The following ABCB5 variants were observed in gnomAD, a reference collection of about 807,000 sequenced individuals.
ABCB5 encodes the protein ATP binding cassette subfamily B member 5.
Under a neutral mutation model 144.2 loss-of-function variants are expected in ABCB5, and 155 were observed. The observed-to-expected ratio is 1.08, with a 90% confidence interval of 0.94 to 1.23. ABCB5 has a LOEUF of 1.23. Among genes scored for constraint, ABCB5 ranks in the 50% most tolerant of loss-of-function variants. The pLI is 0.00. For synonymous variants in ABCB5, 610 were observed against 528.6 expected, an observed-to-expected ratio of 1.15 and a Z score of -2.11; for missense variants, 1,830 against 1,520.8, an observed-to-expected ratio of 1.20 and a Z score of -3.38.
rs888880736 is a variant in ABCB5 at position 20,618,851 on chromosome 7, T to C, written c.-22+3014T>C. Among the ~76,000 whole-genome samples, 5 of 127,102 alleles carry C rather than the reference T, an allele frequency of 3.9e-5. No individual in the cohort carries two copies. The East Asian group carries it at 1.1e-3, about 29-fold the overall frequency. The allele number at this position is 127,102 out of a possible 152,430, so 83.4% of individuals were successfully genotyped here. A position where few individuals can be genotyped will look rare whatever the true frequency, so the allele number is the denominator to read the frequency against. On this transcript the variant is annotated intron_variant, in intron 1 of 27. Transcript: ENST00000404938. ...GTGCAGTGGCACGATCTCAGCTCAC[T>C]GCAACCTCCACCTCCCGGGTTCAAG...
Position 20,658,652 on chromosome 7 carries a change from A to G in ABCB5, c.1683A>G (p.Ser561=), listed in dbSNP as rs1250176940. ...ATSALDSESK[S]AVQAALEKAS... ...CTGCCCTGGATTCAGAAAGCAAGTC[A>G]GCTGTTCAAGCTGCACTGGAGAAGG... Residue 561 remains serine (S), a synonymous_variant, in exon 14 of 28, where the codon TCA becomes TCG. Transcript: ENST00000404938. The G allele has an allele frequency of 6.2e-7, 1 of 1,614,162 alleles. No individual in the cohort carries two copies. The highest frequency in any genetic ancestry group is 1.7e-5 in the Admixed American group (1 of 60,012).
intron 5 of ABCB5, chr7:20,641,408 C>G (rs115959918): frequency 6.6e-6 from 1 of 152,154 alleles, no homozygotes; most frequent in Non-Finnish European, 1.5e-5. Context: ...CACCTGTAGT[C>G]CCAGCGTTAT....
intron 5 of ABCB5, among the ~76,000 whole-genome samples, chr7:20,640,530 G>C (rs1784273693): frequency 6.6e-6 from 1 of 152,128 alleles, no homozygotes; most frequent in Non-Finnish European, 1.5e-5. Flanking sequence ...TCAGTGTGAT[G>C]CTTGGGAATC....
At chr7:20,748,869 C>T (rs1163304465) in intron 26 of ABCB5, among the ~76,000 whole-genome samples, 8 of 152,028 alleles carry the variant, frequency 5.3e-5, no homozygotes, top group African/African-American at 1.9e-4. Flanking sequence ...TCACATAAGA[C>T]ACATTAATGT....
intron 1 of ABCB5, 142 bp from the exon 2 acceptor site, chr7:20,623,123 G>T: frequency 1.7e-6 from 1 of 575,666 alleles, no homozygotes; most frequent in Non-Finnish European, 3.1e-6. Flanking sequence ...AACTTCAATT[G>T]GAGTGGGGGG....
intron 20 of ABCB5, 114 bp from the exon 21 acceptor site, chr7:20,722,902 A>T: frequency 1.3e-6 from 1 of 756,286 alleles, no homozygotes; most frequent in Non-Finnish European, 2.2e-6. Context: ...GCATAAATTT[A>T]AGTATAAATT....
chr7:20,631,625 A>G (rs79682588), intron 4 of ABCB5, among the ~76,000 whole-genome samples: 16,410 of 152,028 alleles, frequency 0.11, 1,141 homozygotes, highest in Non-Finnish European at 0.15. Flanking sequence ...TGAGCTTTCC[A>G]TTTTTCCCAT....
chr7:20,731,040 C>T (rs1374857394), intron 23 of ABCB5, among the ~76,000 whole-genome samples: 1 of 149,518 alleles, frequency 6.7e-6, no homozygotes, highest in African/African-American at 2.5e-5. Flanking sequence ...TCTTTCTTTG[C>T]TTTGTAATCA....
intron 14 of ABCB5, among the ~76,000 whole-genome samples, chr7:20,674,512 T>C (rs987328699): frequency 6.6e-6 from 1 of 151,840 alleles, no homozygotes; most frequent in African/African-American, 2.4e-5. Context: ...ATGTAATGAT[T>C]GAAGTTAAGT....
intron 14 of ABCB5, among the ~76,000 whole-genome samples, chr7:20,672,893 T>C (rs1785494298): frequency 1.3e-5 from 2 of 152,178 alleles, no homozygotes; most frequent in East Asian, 3.8e-4. Context: ...TTGATGTATT[T>C]GTCTGTCTTT....
Position 20,745,406 on chromosome 7 carries a change from A to T in ABCB5, c.3397A>T (p.Asn1133Tyr). ...DEIKEAANAA[N>Y]IHSFIEGLPE... ...GATCAAAGAAGCCGCAAATGCAGCA[A>T]ATATCCATTCTTTTATTGAAGGTCT... The change falls in exon 26 of 28, where the codon AAT becomes TAT. Residue 1133 changes from asparagine (N) to tyrosine (Y), a missense_variant. Transcript: ENST00000404938. 6.2e-7 allele frequency: 1 copy of T among 1,614,216 alleles called. No homozygotes were observed. Among genetic ancestry groups the T allele is most frequent in the Non-Finnish European group, 8.5e-7 (1 of 1,180,038 alleles).
intron 25 of ABCB5, among the ~76,000 whole-genome samples, chr7:20,744,046 G>A (rs568535493): frequency 1.3e-5 from 2 of 151,964 alleles, no homozygotes; most frequent in South Asian, 2.1e-4. Flanking sequence ...GTTTTTTGGG[G>A]GGCTTTTGTA....
At chr7:20,666,834 T>G in intron 14 of ABCB5, 2 of 1,537,864 alleles carry the variant, frequency 1.3e-6, no homozygotes, top group Non-Finnish European at 1.7e-6. Flanking sequence ...CACAGTGGTA[T>G]GAATTGCACT....
intron 14 of ABCB5, chr7:20,666,709 G>T: frequency 6.3e-7 from 1 of 1,578,788 alleles, no homozygotes; most frequent in South Asian, 1.2e-5. Context: ...TGTAATCTGT[G>T]AAGTAGGATA....
At chr7:20,621,627 G>A (rs1783807347) in intron 1 of ABCB5, among the ~76,000 whole-genome samples, 1 of 152,036 alleles carries the variant, frequency 6.6e-6, no homozygotes, top group African/African-American at 2.4e-5. Context: ...AGGAAAGAGA[G>A]AAAAATATAT....
intron 18 of ABCB5, 27 bp from the exon 19 acceptor site, chr7:20,700,031 G>A (rs758821553): frequency 9.9e-6 from 16 of 1,609,250 alleles, no homozygotes; most frequent in Middle Eastern, 1.7e-4. Flanking sequence ...GGAAAAGAAC[G>A]TAGATTTTTG....
At position 20,745,374 on chromosome 7, in the gene ABCB5, T is replaced by G; in HGVS notation, c.3365T>G (p.Leu1122Ter). Residue 1122 changes from leucine to a stop codon, truncating the protein, a stop_gained, in exon 26 of 28, where the codon TTA becomes TGA. Transcript: ENST00000404938. LOFTEE classifies it high-confidence loss of function. ...AYGDNSRVVP[L>*]DEIKEAANAA... ...GGTGACAACAGCCGTGTGGTGCCATTAGATGAGATCAAAGAAGCCGCAAAT... is the reference window on the plus strand; with the variant it reads ...GGTGACAACAGCCGTGTGGTGCCATGAGATGAGATCAAAGAAGCCGCAAAT... 6.2e-7 allele frequency: 1 copy of G among 1,614,176 alleles called. No individual in the cohort carries two copies. The highest frequency in any genetic ancestry group is 8.5e-7 in the Non-Finnish European group (1 of 1,180,024).
intron 14 of ABCB5, among the ~76,000 whole-genome samples, chr7:20,677,223 T>C (rs1403356627): frequency 6.6e-6 from 1 of 152,186 alleles, no homozygotes; most frequent in Non-Finnish European, 1.5e-5. Context: ...TTGATCCCAG[T>C]CATATTATCT....
chr7:20,736,624 C>T (rs1285198025), intron 23 of ABCB5, among the ~76,000 whole-genome samples: 1 of 152,212 alleles, frequency 6.6e-6, no homozygotes, highest in Non-Finnish European at 1.5e-5. Context: ...GATTGTTGGC[C>T]TGTACATTTC....
Sources: allele counts gnomAD v4.1 joint callset (sites outside exome capture counted in the v4.1 genomes callset), GRCh38; gene constraint gnomAD v4.1.1; transcripts MANE v1.5; gene names NCBI Gene and HGNC (gene_info 2026-07-23, HGNC 2026-07-21).